MTRF1: variants seen among roughly 807,000 people sequenced by gnomAD.
MTRF1 encodes mitochondrial translation release factor 1, also known as peptide chain release factor 1, mitochondrial.
Under a neutral mutation model 62.9 loss-of-function variants are expected in MTRF1, and 51 were observed. That is an observed-to-expected ratio of 0.81 (90% CI 0.65 to 1.02). The LOEUF is 1.02. Among genes scored for constraint, MTRF1 ranks in the 50% least tolerant of loss-of-function variants. The probability of loss-of-function intolerance (pLI) is 0.00; values close to 1 mark genes in which losing one functional copy is unlikely to be tolerated. For synonymous variants in MTRF1, 158 were observed against 181.9 expected (o/e 0.87, Z 1.06); for missense variants, 446 against 530.0 (o/e 0.84, Z 1.56).
At chr13:41,290,659 C>A in the MTRF1 span, among the ~76,000 whole-genome samples, 1 of 151,336 alleles carries the variant, frequency 6.6e-6, no homozygotes, top group African/African-American at 2.4e-5. Context: ...TCCCAAAGTG[C>A]TGGGATTACA....
At chr13:41,237,233 A>AAG (rs1157010246) in intron 6 of MTRF1, among the ~76,000 whole-genome samples, 1 of 150,922 alleles carries the variant, frequency 6.6e-6, no homozygotes, top group African/African-American at 2.4e-5. Context: ...AAAAAAAAAA[A>AAG]AAAAAAGAAT....
the MTRF1 span, among the ~76,000 whole-genome samples, chr13:41,306,326 A>G: frequency 9.2e-5 from 14 of 151,766 alleles, no homozygotes; most frequent in East Asian, 9.7e-4. Context: ...GGAGCTTGCA[A>G]TGAGCCGAGA....
At chr13:41,278,421 C>A in the MTRF1 span, among the ~76,000 whole-genome samples, 3 of 152,078 alleles carry the variant, frequency 2.0e-5, no homozygotes, top group Admixed American at 2.0e-4. Context: ...TTAAATACCC[C>A]CTAGGATTCC....
At chr13:41,236,886 G>C (rs762823291) in intron 6 of MTRF1, among the ~76,000 whole-genome samples, 20 of 152,074 alleles carry the variant, frequency 1.3e-4, no homozygotes, top group Non-Finnish European at 1.5e-4. Context: ...TGTACTTTTA[G>C]AATAGTGAAA....
At chr13:41,278,321 G>C in the MTRF1 span, among the ~76,000 whole-genome samples, 1 of 152,196 alleles carries the variant, frequency 6.6e-6, no homozygotes, top group African/African-American at 2.4e-5. Context: ...AGGAATATAG[G>C]GTTTTATTAA....
chr13:41,280,331 C>G, the MTRF1 span, among the ~76,000 whole-genome samples: 39 of 151,840 alleles, frequency 2.6e-4, no homozygotes, highest in African/African-American at 8.4e-4. Context: ...TTAAATTTAT[C>G]TATAGCTTGG....
chr13:41,272,118 T>A, the MTRF1 span, among the ~76,000 whole-genome samples: 1 of 152,068 alleles, frequency 6.6e-6, no homozygotes, highest in Non-Finnish European at 1.5e-5. Flanking sequence ...AGAGATCAGG[T>A]CATGTAAAAC....
At chr13:41,268,885 A>G in the MTRF1 span, among the ~76,000 whole-genome samples, 1 of 152,058 alleles carries the variant, frequency 6.6e-6, no homozygotes, top group Non-Finnish European at 1.5e-5. Context: ...AGAGACCATT[A>G]TAATTTCTCA....
chr13:41,240,368 C>G lies in MTRF1; in HGVS notation c.763G>C (p.Gly255Arg), dbSNP rs1310467778. ...ATGCGCTGAACTCGGTGAATCCCAC[C>G]CTCATACTTCAAATGCTTATAGACA... ...DGVYKHLKYEGGIHRVQRIPE... is the reference protein window; with the variant it reads ...DGVYKHLKYERGIHRVQRIPE... Residue 255 changes from glycine to arginine, a missense_variant, in exon 6 of 10, where the codon GGT becomes CGT. Coordinates refer to ENST00000379480, the MANE Select transcript of MTRF1 (RefSeq NM_004294.4). The G allele has an allele frequency of 3.1e-6, 5 of 1,613,726 alleles. No individual in the cohort carries two copies. The highest frequency in any genetic ancestry group is 1.6e-4 in the Middle Eastern group (1 of 6,082).
chr13:41,252,814 A>G, intron 4 of MTRF1, 62 bp from the exon 5 acceptor site: 1 of 1,447,656 alleles, frequency 6.9e-7, no homozygotes, highest in Non-Finnish European at 9.7e-7. Flanking sequence ...CCTTAAGACT[A>G]AGTCCTTTAG....
At chr13:41,290,950 G>A in the MTRF1 span, among the ~76,000 whole-genome samples, 1 of 150,982 alleles carries the variant, frequency 6.6e-6, no homozygotes, top group Non-Finnish European at 1.5e-5. Flanking sequence ...AAAAAAATTA[G>A]CCAGGCGTGA....
chr13:41,263,337 G>A, intron 1 of MTRF1, 148 bp downstream of exon 1: 1 of 1,288,242 alleles, frequency 7.8e-7, no homozygotes, highest in Non-Finnish European at 1.0e-6. Flanking sequence ...ATGCTTTGGG[G>A]AAAGTTCTGA....
the MTRF1 span, among the ~76,000 whole-genome samples, chr13:41,302,537 T>A: frequency 7.5e-5 from 10 of 133,808 alleles, no homozygotes; most frequent in East Asian, 6.2e-4. Context: ...TTTTTTTAAA[T>A]TTTTTTTTTT....
At chr13:41,309,624 G>A in the MTRF1 span, among the ~76,000 whole-genome samples, 1 of 151,970 alleles carries the variant, frequency 6.6e-6, no homozygotes, top group Non-Finnish European at 1.5e-5. Context: ...TTAAAATCAT[G>A]TGTGAAACGT....
chr13:41,292,090 C>CA, the MTRF1 span, among the ~76,000 whole-genome samples: 1 of 151,906 alleles, frequency 6.6e-6, no homozygotes, highest in East Asian at 1.9e-4. Context: ...AAAACAAAAA[C>CA]AAAAAACAAA....
the MTRF1 span, among the ~76,000 whole-genome samples, chr13:41,294,235 T>C: frequency 1.9e-4 from 29 of 152,016 alleles, no homozygotes; most frequent in African/African-American, 6.0e-4. Context: ...CTGGCCAACA[T>C]GGTGAAACCC....
intron 6 of MTRF1, among the ~76,000 whole-genome samples, 200 bp from the exon 7 acceptor site, chr13:41,234,207 TC>T: frequency 6.6e-6 from 1 of 152,358 alleles, no homozygotes; most frequent in African/African-American, 2.4e-5. Context: ...AGACAGGGTC[TC>T]CCTCTGTTGC....
At chr13:41,220,938 C>T (rs900110174) in intron 9 of MTRF1, among the ~76,000 whole-genome samples, 1 of 152,138 alleles carries the variant, frequency 6.6e-6, no homozygotes, top group Non-Finnish European at 1.5e-5. Flanking sequence ...GGGTCAGGAT[C>T]ACGATCATGT....
intron 2 of MTRF1, among the ~76,000 whole-genome samples, chr13:41,255,357 C>T (rs2039569205): frequency 6.6e-6 from 1 of 152,138 alleles, no homozygotes; most frequent in Non-Finnish European, 1.5e-5. Context: ...GCTGAGATTA[C>T]AGGTGCGTGC....
Sources: gnomAD v4.1 joint callset for allele counts (sites outside exome capture counted in the v4.1 genomes callset) on GRCh38, gnomAD v4.1.1 for gene constraint, MANE v1.5 for transcripts, NCBI Gene and HGNC (gene_info 2026-07-23, HGNC 2026-07-21) for gene names.